FGF12: variants seen among roughly 807,000 people sequenced by gnomAD.
The protein encoded by FGF12 is fibroblast growth factor 12B.
Under a neutral mutation model 23.6 loss-of-function variants are expected in FGF12, and 14 were observed. That is an observed-to-expected ratio of 0.59 (90% CI 0.39 to 0.93). The LOEUF (loss-of-function observed/expected upper bound fraction) is 0.93. FGF12 is among the 40% of genes least tolerant of loss of function. The pLI is 0.00. For missense variants in FGF12, 175 were observed against 217.8 expected (o/e 0.80, Z 1.24); for synonymous variants, 62 against 77.3 (o/e 0.80, Z 1.04).
In FGF12 at chr3:192,143,918, C is replaced by T. The variant is rs1713546169; in HGVS notation, c.*91G>A. 3 of 817,652 alleles carry T rather than the reference C, an allele frequency of 3.7e-6. No individual in the cohort carries two copies. The highest frequency in any genetic ancestry group is 2.3e-4 in the Middle Eastern group (1 of 4,356). The allele number at this position is 817,652 out of a possible 1,614,324, so 50.6% of individuals were successfully genotyped here. A position where few individuals can be genotyped will look rare whatever the true frequency, so the allele number is the denominator to read the frequency against. On this transcript the variant is annotated 3_prime_UTR_variant, in exon 6 of 6. Coordinates refer to ENST00000445105, the MANE Select transcript of FGF12 (RefSeq NM_004113.6). Reference sequence around the variant, plus strand: ...TCTTGCGTTGTCATTTTATTTTCCTCTCCTTGGGTGGATTTACTGGAAGGA... The same window carrying T: ...TCTTGCGTTGTCATTTTATTTTCCTTTCCTTGGGTGGATTTACTGGAAGGA...
intron 4 of FGF12, among the ~76,000 whole-genome samples, chr3:192,289,460 T>C (rs546297699): frequency 6.6e-6 from 1 of 152,192 alleles, no homozygotes; most frequent in African/African-American, 2.4e-5. Flanking sequence ...GAAGGAACAC[T>C]CACTGGAAGA....
At chr3:192,278,343 T>C (rs759299411) in intron 4 of FGF12, among the ~76,000 whole-genome samples, 52 of 152,182 alleles carry the variant, frequency 3.4e-4, no homozygotes, top group Non-Finnish European at 6.2e-4. Flanking sequence ...TAGGGCTTGG[T>C]AATTTCTTCA....
In FGF12 at chr3:192,288,277, T is replaced by C. The variant is rs187992942; in HGVS notation, c.228+47084A>G. Among the ~76,000 whole-genome samples, 340 of 152,202 alleles carry C rather than the reference T, an allele frequency of 2.2e-3. 3 individuals are homozygous for C. The highest frequency in any genetic ancestry group is 7.8e-3 in the African/African-American group (325 of 41,552). On this transcript the variant is annotated intron_variant, in intron 4 of 5. Coordinates refer to ENST00000445105, the MANE Select transcript of FGF12 (RefSeq NM_004113.6). ...AAATTCACAGCAGGAACAAGAGTGA[T>C]TTATAGCAATTAATGCAGAATACAC...
At chr3:192,247,320 G>A (rs558319968) in intron 4 of FGF12, among the ~76,000 whole-genome samples, 46 of 152,252 alleles carry the variant, frequency 3.0e-4, no homozygotes, top group Non-Finnish European at 5.0e-4. Context: ...CGTCACTGTA[G>A]AGTATCAAAT....
chr3:192,331,328 A>C (rs6805287), intron 4 of FGF12, among the ~76,000 whole-genome samples: 31 of 150,416 alleles, frequency 2.1e-4, no homozygotes, highest in East Asian at 1.6e-3. Flanking sequence ...AAAAAAAAAA[A>C]AAAACAAAAA....
chr3:192,189,077 T>G (rs368453136), intron 4 of FGF12, among the ~76,000 whole-genome samples: 21 of 152,232 alleles, frequency 1.4e-4, no homozygotes, highest in African/African-American at 4.6e-4. Context: ...CTCCGGCACA[T>G]CAATGTCAAA....
At chr3:192,164,073 G>T (rs1340728308) in intron 5 of FGF12, among the ~76,000 whole-genome samples, 1 of 151,948 alleles carries the variant, frequency 6.6e-6, no homozygotes, top group Non-Finnish European at 1.5e-5. Flanking sequence ...TAAATACTCA[G>T]CCACCTGCAG....
At chr3:192,240,783 T>C (rs1719578226) in intron 4 of FGF12, among the ~76,000 whole-genome samples, 1 of 152,198 alleles carries the variant, frequency 6.6e-6, no homozygotes, top group Non-Finnish European at 1.5e-5. Flanking sequence ...ACTTTGTATG[T>C]TATTTGTAAT....
chr3:192,622,623 A>G (rs1715014476), intron 2 of FGF12, among the ~76,000 whole-genome samples: 1 of 152,230 alleles, frequency 6.6e-6, no homozygotes, highest in South Asian at 2.1e-4. Flanking sequence ...AGCTTAGTTT[A>G]CATAATTGTA....
chr3:192,493,774 C>G (rs540749846), intron 2 of FGF12, among the ~76,000 whole-genome samples: 1 of 152,278 alleles, frequency 6.6e-6, no homozygotes, highest in East Asian at 1.9e-4. Flanking sequence ...GTCACTGTTG[C>G]AAGAACAGCA....
intron 2 of FGF12, among the ~76,000 whole-genome samples, chr3:192,701,438 A>G (rs532278929): frequency 6.6e-6 from 1 of 152,308 alleles, no homozygotes; most frequent in South Asian, 2.1e-4. Flanking sequence ...ATTTAATCAA[A>G]TATTTTACAC....
intron 2 of FGF12, among the ~76,000 whole-genome samples, chr3:192,667,760 G>A (rs1716947234): frequency 6.6e-6 from 1 of 152,058 alleles, no homozygotes; most frequent in South Asian, 2.1e-4. Context: ...TGGCAAGTGT[G>A]GTAGAGAAGA....
At chr3:192,455,038 C>T (rs1317746397) in intron 2 of FGF12, among the ~76,000 whole-genome samples, 1 of 152,130 alleles carries the variant, frequency 6.6e-6, no homozygotes, top group African/African-American at 2.4e-5. Flanking sequence ...TGTATTTTCT[C>T]TTACTGGTGA....
At chr3:192,327,656 G>T (rs546485353) in intron 4 of FGF12, among the ~76,000 whole-genome samples, 1 of 151,810 alleles carries the variant, frequency 6.6e-6, no homozygotes, top group African/African-American at 2.4e-5. Flanking sequence ...ATTAAAAAAG[G>T]TCCAATGTTT....
chr3:192,357,997 A>C (rs1195670311), intron 3 of FGF12, among the ~76,000 whole-genome samples: 2 of 152,224 alleles, frequency 1.3e-5, no homozygotes, highest in East Asian at 1.9e-4. Context: ...TTTTACAAAA[A>C]TGAAAGAAAT....
intron 4 of FGF12, among the ~76,000 whole-genome samples, chr3:192,206,658 C>T (rs1419101781): frequency 6.6e-6 from 1 of 152,116 alleles, no homozygotes; most frequent in African/African-American, 2.4e-5. Context: ...TATTTTCGGG[C>T]ACTTTTTCAA....
At chr3:192,175,409 T>C (rs1364085921) in intron 4 of FGF12, among the ~76,000 whole-genome samples, 2 of 152,204 alleles carry the variant, frequency 1.3e-5, no homozygotes, top group Non-Finnish European at 2.9e-5. Context: ...TCTGCTGAAA[T>C]AGAAACACCC....
intron 2 of FGF12, among the ~76,000 whole-genome samples, chr3:192,427,083 T>C (rs1365124453): frequency 6.6e-6 from 1 of 152,106 alleles, no homozygotes; most frequent in African/African-American, 2.4e-5. Context: ...TAGAGCACTA[T>C]AAGAGTAGAA....
chr3:192,286,112 G>A (rs1714432002), intron 4 of FGF12, among the ~76,000 whole-genome samples: 1 of 151,982 alleles, frequency 6.6e-6, no homozygotes, highest in Non-Finnish European at 1.5e-5. Context: ...GAACCTTGAA[G>A]TAACAGACAT....
Sources: gnomAD v4.1 joint callset for allele counts (sites outside exome capture counted in the v4.1 genomes callset) on GRCh38, gnomAD v4.1.1 for gene constraint, MANE v1.5 for transcripts, NCBI Gene and HGNC (gene_info 2026-07-23, HGNC 2026-07-21) for gene names.